JMY: variants seen among roughly 807,000 people sequenced by gnomAD.
The protein encoded by JMY is junction mediating and regulatory protein, p53 cofactor.
A neutral mutation model predicts 103.3 loss-of-function variants in JMY; 46 were observed. The ratio of observed to expected loss-of-function variants is 0.45; its 90% CI spans 0.35 to 0.57. The LOEUF (loss-of-function observed/expected upper bound fraction) is 0.57. Ranked by LOEUF, JMY falls within the 20% of genes least tolerant of loss-of-function variation. The pLI is 0.00. For synonymous variants in JMY, 526 were observed against 489.3 expected (o/e 1.07, Z -0.99); for missense variants, 1,238 against 1,255.2 (o/e 0.99, Z 0.21).
Position 79,314,620 on chromosome 5 carries a change from A to G in JMY, c.2428A>G (p.Thr810Ala). The change falls in exon 9 of 11, where the codon ACA becomes GCA. Residue 810 changes from threonine (T) to alanine (A), a missense_variant. Transcript: ENST00000396137. ...TCCACTCCCATCCCCTCTTCCTCCAACACCACCACCTCCCCCACCTCCTCC... is the reference window on the plus strand; with the variant it reads ...TCCACTCCCATCCCCTCTTCCTCCAGCACCACCACCTCCCCCACCTCCTCC... ...INPLPSPLPPTPPPPPPPPPP... is the reference protein window; with the variant it reads ...INPLPSPLPPAPPPPPPPPPP... The G allele has an allele frequency of 6.2e-7, 1 of 1,603,134 alleles. No individual in the cohort carries two copies. The highest frequency in any genetic ancestry group is 1.1e-5 in the South Asian group (1 of 90,514).
In JMY at chr5:79,236,702, C is replaced by T. The variant is rs1366209142; in HGVS notation, c.52C>T (p.Pro18Ser). 10 of 1,499,518 alleles carry T rather than the reference C, an allele frequency of 6.7e-6. No individual in the cohort carries two copies. In the East Asian group the frequency reaches 2.0e-4, roughly 30 times the overall value. The allele number at this position is 1,499,518 out of a possible 1,614,324, so 92.9% of individuals were successfully genotyped here. A position where few individuals can be genotyped will look rare whatever the true frequency, so the allele number is the denominator to read the frequency against. ...CGAGTCGGACTGGGTGGCTGTGCGG[C>T]CCCATGTGTTCGACGAGCGCGAGAA... ...TLESDWVAVR[P>S]HVFDEREKHK... is the part of the protein sequence containing the mutation. Residue 18 changes from proline (P) to serine (S), a missense_variant, in exon 1 of 11, where the codon CCC becomes TCC. Coordinates refer to ENST00000396137, the MANE Select transcript of JMY (RefSeq NM_152405.5).
intron 2 of JMY, among the ~76,000 whole-genome samples, chr5:79,282,452 C>T (rs1366107699): frequency 3.9e-5 from 6 of 151,958 alleles, no homozygotes; most frequent in East Asian, 1.9e-4. Flanking sequence ...TCTCAATAAA[C>T]GTGATTTTTT....
At chr5:79,255,474 A>G (rs1357165840) in intron 1 of JMY, among the ~76,000 whole-genome samples, 1 of 152,142 alleles carries the variant, frequency 6.6e-6, no homozygotes, top group Non-Finnish European at 1.5e-5. Flanking sequence ...ATGTTTTCCT[A>G]GATCATCTTG....
chr5:79,314,226 T>C (rs1452225944), intron 8 of JMY, 31 bp from the exon 9 acceptor site: 10 of 1,567,562 alleles, frequency 6.4e-6, no homozygotes, highest in South Asian at 2.5e-5. Context: ...CAATAACATT[T>C]AACCAGTTCC....
intron 5 of JMY, 82 bp downstream of exon 5, chr5:79,300,400 G>A (rs987784007): frequency 1.3e-5 from 18 of 1,346,026 alleles, no homozygotes; most frequent in African/African-American, 7.5e-5. Flanking sequence ...TGTTTCTTTT[G>A]TTAAGACATT....
chr5:79,299,053 C>T (rs185442127), intron 4 of JMY, among the ~76,000 whole-genome samples: 4 of 152,264 alleles, frequency 2.6e-5, no homozygotes, highest in Admixed American at 6.5e-5. Flanking sequence ...CACATGAGCT[C>T]GTAAACAATA....
At chr5:79,303,764 G>A (rs749559000) in intron 6 of JMY, among the ~76,000 whole-genome samples, 1 of 152,138 alleles carries the variant, frequency 6.6e-6, no homozygotes, top group East Asian at 1.9e-4. Flanking sequence ...AAAGGTAAAG[G>A]AAGAAAGAAA....
intron 1 of JMY, among the ~76,000 whole-genome samples, chr5:79,250,582 T>A (rs1198591972): frequency 6.6e-6 from 1 of 151,918 alleles, no homozygotes; most frequent in African/African-American, 2.4e-5. Flanking sequence ...CCTTTAAATC[T>A]CCTTCAACAA....
At chr5:79,321,252 C>G (rs1747439765) in intron 10 of JMY, among the ~76,000 whole-genome samples, 1 of 152,184 alleles carries the variant, frequency 6.6e-6, no homozygotes, top group South Asian at 2.1e-4. Flanking sequence ...TAATCCTGTC[C>G]TCTAAATGTT....
intron 10 of JMY, among the ~76,000 whole-genome samples, chr5:79,316,843 T>TTGCAGTGAGCTGAGATCGTGCCAC (rs1747240773): frequency 6.8e-6 from 1 of 146,270 alleles, no homozygotes; most frequent in Non-Finnish European, 1.5e-5. Context: ...GAGGCGGAGG[T>TTGCAGTGAGCTGAGATCGTGCCAC]TGCAGTGAGC....
At chr5:79,311,695 T>C (rs1747052844) in intron 7 of JMY, among the ~76,000 whole-genome samples, 1 of 152,186 alleles carries the variant, frequency 6.6e-6, no homozygotes, top group Non-Finnish European at 1.5e-5. Flanking sequence ...ATAGGGAAAA[T>C]TAAAAGTTTG....
At position 79,300,170 on chromosome 5, in the gene JMY, TGGTACA is replaced by T. The variant is rs1325088237; in HGVS notation, c.1547_1552del (p.Gly516_Thr517del). ...CAATGCAGATGCAGAGTTTGCGGGG[TGGTACA>T]GAAGCGATAGCACGATTGGATCAGT... On this transcript the variant is annotated inframe_deletion, in exon 5 of 11. Coordinates refer to ENST00000396137, the MANE Select transcript of JMY (RefSeq NM_152405.5). The T allele has an allele frequency of 6.2e-7, 1 of 1,613,002 alleles. No individual in the cohort carries two copies. The highest frequency in any genetic ancestry group is 2.2e-5 in the East Asian group (1 of 44,784).
chr5:79,263,809 T>C (rs7724909), intron 1 of JMY, among the ~76,000 whole-genome samples: 47,625 of 151,910 alleles, frequency 0.31, 8,057 homozygotes, highest in South Asian at 0.45. Context: ...GTCTTTTTTT[T>C]TTTTTGAAAC....
chr5:79,284,262 T>C, intron 2 of JMY: 1 of 1,510,806 alleles, frequency 6.6e-7, no homozygotes, highest in East Asian at 2.3e-5. Context: ...CAATTCAAAC[T>C]TGGGCTTCTT....
intron 4 of JMY, among the ~76,000 whole-genome samples, chr5:79,296,524 G>A (rs1004185917): frequency 2.0e-5 from 3 of 152,114 alleles, no homozygotes; most frequent in East Asian, 3.9e-4. Context: ...CCCTGTCACC[G>A]ATGCTGGAGT....
At chr5:79,262,222 T>C (rs879864666) in intron 1 of JMY, among the ~76,000 whole-genome samples, 3 of 152,246 alleles carry the variant, frequency 2.0e-5, no homozygotes, top group Non-Finnish European at 4.4e-5. Flanking sequence ...ACATTTTAGG[T>C]GCATCTGCTG....
chr5:79,311,202 T>C (rs987547287), intron 7 of JMY, among the ~76,000 whole-genome samples: 10 of 150,502 alleles, frequency 6.6e-5, no homozygotes, highest in Admixed American at 4.0e-4. Flanking sequence ...CTCAGGCTGG[T>C]CTTCAACTCC....
chr5:79,294,983 G>A (rs975327), intron 4 of JMY, among the ~76,000 whole-genome samples: 9,182 of 152,074 alleles, frequency 0.06, 537 homozygotes, highest in African/African-American at 0.15. Context: ...GAATATGAAT[G>A]CATACTAGTC....
intron 1 of JMY, among the ~76,000 whole-genome samples, chr5:79,265,506 CCAGACCATA>C (rs1022516092): frequency 3.3e-5 from 5 of 151,954 alleles, no homozygotes; most frequent in Non-Finnish European, 7.3e-5. Flanking sequence ...GTTGCTGGTC[CCAGACCATA>C]CTTTGAGTAG....
Sources: allele counts gnomAD v4.1 joint callset (sites outside exome capture counted in the v4.1 genomes callset), GRCh38; gene constraint gnomAD v4.1.1; transcripts MANE v1.5; gene names NCBI Gene and HGNC (gene_info 2026-07-23, HGNC 2026-07-21).